RYR1: variants seen among roughly 807,000 people sequenced by gnomAD.
RYR1 encodes central core disease of muscle.
Under a neutral mutation model 583.5 loss-of-function variants are expected in RYR1, and 342 were observed. The observed-to-expected ratio is 0.59, with a 90% confidence interval of 0.54 to 0.64. RYR1 has a LOEUF of 0.64. RYR1 is among the 30% of genes least tolerant of loss of function. RYR1 has a pLI of 0.00. For missense variants in RYR1, 6,032 were observed against 6,917.2 expected (o/e 0.87, Z 4.54); for synonymous variants, 2,791 against 2,822.5 (o/e 0.99, Z 0.35).
Position 38,466,236 on chromosome 19 carries a change from T to C in RYR1, c.3016T>C (p.Tyr1006His), listed in dbSNP as rs1968096523. 6.2e-7 allele frequency: 1 copy of C among 1,613,420 alleles called. No individual in the cohort carries two copies. Among genetic ancestry groups the C allele is most frequent in the Non-Finnish European group, 8.5e-7 (1 of 1,179,938 alleles). ...ARDRVGQGWS[Y>H]SAVQDIPARR... ...AGACCGCGTGGGCCAGGGCTGGAGCTACAGCGCAGTGCAGGACATCCCAGC... is the reference window on the plus strand; with the variant it reads ...AGACCGCGTGGGCCAGGGCTGGAGCCACAGCGCAGTGCAGGACATCCCAGC... The change falls in exon 24 of 106, where the codon TAC becomes CAC. Residue 1006 changes from tyrosine to histidine, a missense_variant. Tyr to His is a moderately conservative substitution (Grantham distance 83). Around this residue, in one of 11 missense-constraint regions of RYR1, gnomAD observed 2,627 missense variants for 2,961.3 expected, o/e 0.89. Transcript: ENST00000359596.
Position 38,519,369 on chromosome 19 carries a change from CTGCTG to C in RYR1, c.10175_10179del (p.Leu3392ArgfsTer70). The C allele has an allele frequency of 1.2e-6, 2 of 1,609,478 alleles. No homozygotes were observed. The highest frequency in any genetic ancestry group is 1.7e-6 in the Non-Finnish European group (2 of 1,178,120). On this transcript the variant is annotated frameshift_variant, in exon 67 of 106. Coordinates refer to ENST00000359596, the MANE Select transcript of RYR1 (RefSeq NM_000540.3). LOFTEE classifies it high-confidence loss of function. ...CAAGGCGGAGGCCCAGGAGGGCGAG[CTGCTG>C]GTGCGGGACGAGTTCTCTGTGCTCT...
chr19:38,470,765 A>G (rs1008747807), intron 27 of RYR1, among the ~76,000 whole-genome samples: 3 of 152,154 alleles, frequency 2.0e-5, no homozygotes, highest in African/African-American at 7.2e-5. Flanking sequence ...AAAACAAAAC[A>G]GAAGGACTCT....
intron 96 of RYR1, among the ~76,000 whole-genome samples, chr19:38,574,948 A>G (rs10853717): frequency 0.29 from 43,284 of 151,466 alleles, 7,177 homozygotes; most frequent in South Asian, 0.46. Context: ...GCTGAGGCAG[A>G]AGAATGGCGT....
intron 19 of RYR1, 23 bp downstream of exon 19, chr19:38,459,361 CG>C (rs779471385): frequency 6.2e-7 from 1 of 1,611,162 alleles, no homozygotes; most frequent in African/African-American, 1.3e-5. Context: ...CCCCACCCCA[CG>C]GCCAGTCCTC....
intron 89 of RYR1, among the ~76,000 whole-genome samples, chr19:38,558,639 C>T (rs544917124): frequency 1.7e-4 from 25 of 149,442 alleles, no homozygotes; most frequent in African/African-American, 5.2e-4. Flanking sequence ...ATTAGCTTGG[C>T]GTGGTAGCAC....
In RYR1 at chr19:38,543,560, A is replaced by G; in HGVS notation, c.11807A>G (p.Tyr3936Cys). The G allele has an allele frequency of 6.2e-7, 1 of 1,614,038 alleles. No individual in the cohort carries two copies. The highest frequency in any genetic ancestry group is 8.5e-7 in the Non-Finnish European group (1 of 1,180,006). ...TCCATCAGCGACTTCTACTGGTACT[A>G]CTCGGGCAAGGATGTCATTGAAGAG... ...QESISDFYWY[Y>C]SGKDVIEEQG... The change falls in exon 86 of 106, where the codon TAC becomes TGC. Residue 3936 changes from tyrosine (Y) to cysteine (C), a missense_variant. Around this residue, in one of 11 missense-constraint regions of RYR1, gnomAD observed 1,493 missense variants for 1,715.5 expected, o/e 0.87. Coordinates refer to ENST00000359596, the MANE Select transcript of RYR1 (RefSeq NM_000540.3). The surrounding 1 kb of genome is among the most constrained non-coding windows in gnomAD (Gnocchi z 4.4).
chr19:38,460,470 G>A lies in RYR1; in HGVS notation c.2456G>A (p.Arg819Gln), dbSNP rs752831432. 21 of 1,614,080 alleles carry A rather than the reference G, an allele frequency of 1.3e-5. No homozygotes were observed. The highest frequency in any genetic ancestry group is 5.5e-5 in the South Asian group (5 of 91,092). The part of the protein sequence containing the change: ...PCHEAVLPRE[R>Q]LHLEPIKEYR... ...CATGAGGCTGTGCTCCCTCGAGAGC[G>A]ACTCCATCTTGAACCCATCAAGGAG... The change falls in exon 20 of 106, where the codon CGA becomes CAA. Residue 819 changes from arginine (R) to glutamine (Q), a missense_variant. Arg to Gln is a conservative substitution (Grantham distance 43). This residue lies in a region of RYR1 where 2,627 missense variants were observed against 2,961.3 expected (regional missense o/e 0.89). Coordinates refer to ENST00000359596, the MANE Select transcript of RYR1 (RefSeq NM_000540.3).
In RYR1 at chr19:38,466,121, T is replaced by C. The variant is rs1297869465; in HGVS notation, c.2901T>C (p.Ala967=). 10 of 1,612,560 alleles carry C rather than the reference T, an allele frequency of 6.2e-6. No homozygotes were observed. Among genetic ancestry groups the C allele is most frequent in the African/African-American group, 1.3e-5 (1 of 74,862 alleles). ...TYMMSNGYKP[A]PLDLSHVRLT... ...TGATGAGCAATGGGTACAAGCCGGC[T>C]CCGCTGGACCTGAGCCACGTGCGGC... Residue 967 remains alanine (A), a synonymous_variant, in exon 24 of 106, where the codon GCT becomes GCC. Coordinates refer to ENST00000359596, the MANE Select transcript of RYR1 (RefSeq NM_000540.3).
At chr19:38,527,942 C>G in intron 73 of RYR1, 158 bp downstream of exon 73, 33 of 504,512 alleles carry the variant, frequency 6.5e-5, no homozygotes, top group South Asian at 2.7e-4. Flanking sequence ...TAGAATGGAT[C>G]GGGGGAGGGG....
chr19:38,543,432 G>A lies in RYR1; in HGVS notation c.11775G>A (p.Leu3925=), dbSNP rs1397056990. ...GCACTGTGGACTACCTCCTGCGGCT[G>A]CAGGTGAGGACGTGAGACGGTTCAG... ...IICTVDYLLR[L]QESISDFYWY... The change falls in exon 85 of 106, where the codon CTG becomes CTA. Residue 3925 remains leucine, a synonymous_variant. Transcript: ENST00000359596. The surrounding 1 kb of genome is among the most constrained non-coding windows in gnomAD (Gnocchi z 4.4). The A allele has an allele frequency of 2.5e-6, 4 of 1,614,242 alleles. No homozygotes were observed. In the East Asian group the frequency reaches 8.9e-5, roughly 36 times the overall value.
In RYR1 at chr19:38,527,789, G is replaced by T. The variant is rs1971536204; in HGVS notation, c.10824+5G>T. Reference sequence around the variant, plus strand: ...GTGCTCTACTACCTGGACCAGGTGGGTGGGGCCGGAGGGGTCTTTCTACTG... The same window carrying T: ...GTGCTCTACTACCTGGACCAGGTGGTTGGGGCCGGAGGGGTCTTTCTACTG... On this transcript the variant is annotated splice_donor_5th_base_variant and intron_variant, in intron 73 of 105. Coordinates refer to ENST00000359596, the MANE Select transcript of RYR1 (RefSeq NM_000540.3). The T allele has an allele frequency of 1.2e-6, 2 of 1,614,006 alleles. No homozygotes were observed. Among genetic ancestry groups the T allele is most frequent in the East Asian group, 4.5e-5 (2 of 44,868 alleles).
intron 54 of RYR1, 109 bp from the exon 55 acceptor site, chr19:38,506,194 C>T: frequency 1.7e-6 from 2 of 1,160,968 alleles, no homozygotes; most frequent in Non-Finnish European, 2.5e-6. Flanking sequence ...GGTCTTGAGC[C>T]AGGGGAGGGT....
At chr19:38,523,841 T>C in intron 69 of RYR1, 74 bp from the exon 70 acceptor site, 2 of 1,605,990 alleles carry the variant, frequency 1.2e-6, no homozygotes, top group South Asian at 1.1e-5. Context: ...TGCTGGCAAC[T>C]TGGAGTTGGG....
rs769763365 is a variant in RYR1 at position 38,467,649 on chromosome 19, T to C, written c.3218T>C (p.Ile1073Thr). The change falls in exon 25 of 106, where the codon ATC becomes ACC. Residue 1073 changes from isoleucine to threonine, a missense_variant. Ile to Thr is a moderately conservative substitution (Grantham distance 89). Around this residue, in one of 11 missense-constraint regions of RYR1, gnomAD observed 2,627 missense variants for 2,961.3 expected, o/e 0.89. Coordinates refer to ENST00000359596, the MANE Select transcript of RYR1 (RefSeq NM_000540.3). ...CAGTCTCGTTGTGACCGGGTGCGCA[T>C]CTTCCGGGCAGAGAAATCCTATACA... ...ENQSRCDRVRIFRAEKSYTVQ... is the reference protein window; with the variant it reads ...ENQSRCDRVRTFRAEKSYTVQ... The C allele has an allele frequency of 4.3e-6, 7 of 1,614,226 alleles. No individual in the cohort carries two copies. In the South Asian group the frequency reaches 7.7e-5, roughly 18 times the overall value.
intron 78 of RYR1, among the ~76,000 whole-genome samples, chr19:38,533,406 T>G (rs1159438789): frequency 6.6e-6 from 1 of 152,166 alleles, no homozygotes; most frequent in East Asian, 1.9e-4. Flanking sequence ...TAAAATGAAT[T>G]CATAGCAGAG....
In RYR1 at chr19:38,522,557, G is replaced by A. The variant is rs191404887; in HGVS notation, c.10260-471G>A. On this transcript the variant is annotated intron_variant, in intron 67 of 105. Transcript: ENST00000359596. Reference sequence around the variant, plus strand: ...AAGCCTGGGAGGTTGAGGTTGCAGTGAGTGGAGATCGCATCACTGTACTCC... The same window carrying A: ...AAGCCTGGGAGGTTGAGGTTGCAGTAAGTGGAGATCGCATCACTGTACTCC... Among the ~76,000 whole-genome samples, 694 of 152,114 alleles carry A rather than the reference G, an allele frequency of 4.6e-3. 1 individual carries two copies. The highest frequency in any genetic ancestry group is 7.1e-3 in the Non-Finnish European group (483 of 67,976).
At chr19:38,493,615 G>T (rs1409330846) in intron 38 of RYR1, among the ~76,000 whole-genome samples, 1 of 151,696 alleles carries the variant, frequency 6.6e-6, no homozygotes, top group African/African-American at 2.4e-5. Flanking sequence ...CGCCTCCTGG[G>T]TTCAAGCGAT....
intron 81 of RYR1, 32 bp from the exon 82 acceptor site, chr19:38,535,965 C>T (rs1971944886): frequency 3.7e-6 from 6 of 1,604,572 alleles, no homozygotes; most frequent in Non-Finnish European, 5.1e-6. Context: ...GGCTTCATCA[C>T]ATACCCCCTA....
intron 1 of RYR1, among the ~76,000 whole-genome samples, chr19:38,435,680 G>A (rs1318215261): frequency 1.3e-5 from 2 of 152,050 alleles, no homozygotes; most frequent in African/African-American, 4.8e-5. Flanking sequence ...AGGTTGCAGT[G>A]AGCCGAGATT....
Sources: gnomAD v4.1 joint callset for allele counts (sites outside exome capture counted in the v4.1 genomes callset) on GRCh38, gnomAD v4.1.1 for gene constraint, gnomAD v4.1.1 regional missense constraint, Gnocchi (gnomAD v3.1) non-coding constraint, MANE v1.5 for transcripts, NCBI Gene and HGNC (gene_info 2026-07-23, HGNC 2026-07-21) for gene names.